Variants in XRCC4 observed in about 807,000 individuals in gnomAD.
The protein encoded by XRCC4 is DNA repair protein XRCC4.
Under a neutral mutation model 39.1 loss-of-function variants are expected in XRCC4, and 28 were observed. The ratio of observed to expected loss-of-function variants is 0.72; its 90% CI spans 0.53 to 0.98. The LOEUF (loss-of-function observed/expected upper bound fraction) is 0.98, where lower values mean the gene tolerates loss of function less well. Ranked by LOEUF, XRCC4 falls within the 50% of genes least tolerant of loss-of-function variation. The probability of loss-of-function intolerance (pLI) is 0.00; values close to 1 mark genes in which losing one functional copy is unlikely to be tolerated. For missense variants in XRCC4, 350 were observed against 376.4 expected (o/e 0.93, Z 0.58); for synonymous variants, 123 against 126.4 (o/e 0.97, Z 0.18).
chr5:83,236,666 G>T (rs1752702232), intron 6 of XRCC4, among the ~76,000 whole-genome samples: 1 of 151,956 alleles, frequency 6.6e-6, no homozygotes, highest in Non-Finnish European at 1.5e-5. Context: ...AAGATTATTT[G>T]CATAAGACCT....
intron 3 of XRCC4, among the ~76,000 whole-genome samples, chr5:83,181,434 C>T (rs1750202158): frequency 6.6e-6 from 1 of 151,662 alleles, no homozygotes; most frequent in East Asian, 1.9e-4. Flanking sequence ...ATGTATTAGT[C>T]TTCTCTCGGT....
chr5:83,178,835 C>T (rs895288576), intron 3 of XRCC4, among the ~76,000 whole-genome samples: 42 of 152,152 alleles, frequency 2.8e-4, no homozygotes, highest in African/African-American at 9.7e-4. Flanking sequence ...CATGTCATTT[C>T]CTACTTGCCT....
chr5:83,100,306 A>G (rs1267370075), intron 1 of XRCC4, among the ~76,000 whole-genome samples: 1 of 152,158 alleles, frequency 6.6e-6, no homozygotes, highest in South Asian at 2.1e-4. Flanking sequence ...ATTGGAAAAT[A>G]TTTGAAACAT....
At chr5:83,113,861 C>T (rs554265045) in intron 3 of XRCC4, among the ~76,000 whole-genome samples, 9 of 152,274 alleles carry the variant, frequency 5.9e-5, no homozygotes, top group East Asian at 5.8e-4. Context: ...CTCCTGACCT[C>T]GTGATCCGCC....
intron 7 of XRCC4, among the ~76,000 whole-genome samples, chr5:83,278,692 T>C (rs1754422244): frequency 6.6e-6 from 1 of 152,012 alleles, no homozygotes; most frequent in Non-Finnish European, 1.5e-5. Context: ...TTTTTAAAAA[T>C]AATCAGTTTG....
chr5:83,285,802 C>G (rs1754714514), intron 7 of XRCC4, among the ~76,000 whole-genome samples: 1 of 152,058 alleles, frequency 6.6e-6, no homozygotes, highest in African/African-American at 2.4e-5. Flanking sequence ...GTTCTGATCC[C>G]ATTGGTAACT....
In XRCC4 at chr5:83,258,539, G is replaced by A. The variant is rs1753633927; in HGVS notation, c.755G>A (p.Ser252Asn). The change falls in exon 7 of 8, where the codon AGT becomes AAT. Residue 252 changes from serine (S) to asparagine (N), a missense_variant. Physicochemically the swap from Ser to Asn is conservative, Grantham distance 46. Coordinates refer to ENST00000396027, the MANE Select transcript of XRCC4 (RefSeq NM_003401.5). Reference sequence around the variant, plus strand: ...TCTCATTTTATTTCAGCTGCTGTAAGTAAAGATGATTCCATTATTTCAAGT... The same window carrying A: ...TCTCATTTTATTTCAGCTGCTGTAAATAAAGATGATTCCATTATTTCAAGT... ...DLSGLASAAV[S>N]KDDSIISSLD... 3 of 1,606,490 alleles carry A rather than the reference G, an allele frequency of 1.9e-6. No homozygotes were observed. The highest frequency in any genetic ancestry group is 2.7e-5 in the African/African-American group (2 of 74,470).
At chr5:83,260,915 A>T (rs1262801509) in intron 7 of XRCC4, among the ~76,000 whole-genome samples, 1 of 152,096 alleles carries the variant, frequency 6.6e-6, no homozygotes, top group Non-Finnish European at 1.5e-5. Context: ...CACCTGTTAG[A>T]TGTCAGTGAG....
At chr5:83,351,222 G>A (rs1757073577) in intron 7 of XRCC4, among the ~76,000 whole-genome samples, 2 of 152,200 alleles carry the variant, frequency 1.3e-5, no homozygotes, top group South Asian at 2.1e-4. Flanking sequence ...CATGTTTCCT[G>A]TACAGCCTGT....
At chr5:83,247,117 A>G (rs1308434488) in intron 6 of XRCC4, among the ~76,000 whole-genome samples, 1 of 152,242 alleles carries the variant, frequency 6.6e-6, no homozygotes, top group African/African-American at 2.4e-5. Flanking sequence ...TAGTTCCACA[A>G]ACAGTGGTTT....
intron 7 of XRCC4, among the ~76,000 whole-genome samples, chr5:83,302,732 A>G (rs1755334064): frequency 1.3e-5 from 2 of 152,242 alleles, no homozygotes; most frequent in African/African-American, 4.8e-5. Flanking sequence ...ATGAGGAGGA[A>G]TAACATCAAT....
intron 3 of XRCC4, among the ~76,000 whole-genome samples, chr5:83,156,720 G>A (rs970833224): frequency 6.6e-6 from 1 of 152,056 alleles, no homozygotes. Context: ...AATTTGCAAA[G>A]CCAAGAATAG....
intron 7 of XRCC4, among the ~76,000 whole-genome samples, chr5:83,296,965 A>C (rs1157800589): frequency 6.6e-6 from 1 of 152,018 alleles, no homozygotes; most frequent in Non-Finnish European, 1.5e-5. Flanking sequence ...GACAATTGCC[A>C]ACAGACTTGC....
At chr5:83,223,979 A>G (rs554423695) in intron 6 of XRCC4, among the ~76,000 whole-genome samples, 2 of 151,774 alleles carry the variant, frequency 1.3e-5, no homozygotes, top group South Asian at 4.2e-4. Flanking sequence ...ATAGTATTCT[A>G]TGGTGTATAT....
chr5:83,356,188 A>T (rs770625149), downstream of XRCC4, among the ~76,000 whole-genome samples: 3 of 152,150 alleles, frequency 2.0e-5, no homozygotes, highest in Non-Finnish European at 4.4e-5. Context: ...ACTTAGCACT[A>T]TCCTAGATTT....
intron 6 of XRCC4, among the ~76,000 whole-genome samples, chr5:83,216,091 T>C (rs1172972979): frequency 6.6e-6 from 1 of 152,156 alleles, no homozygotes; most frequent in Non-Finnish European, 1.5e-5. Flanking sequence ...TTCTAGCATA[T>C]ATAAAGAATA....
intron 3 of XRCC4, among the ~76,000 whole-genome samples, chr5:83,169,620 A>G (rs1034151539): frequency 1.3e-5 from 2 of 152,222 alleles, no homozygotes; most frequent in Admixed American, 1.3e-4. Flanking sequence ...AAGCTAGAAC[A>G]GCTCGAGTCT....
chr5:83,368,334 A>T, the XRCC4 span, among the ~76,000 whole-genome samples: 7 of 152,134 alleles, frequency 4.6e-5, no homozygotes, highest in African/African-American at 1.7e-4. Context: ...TGAAATGGCA[A>T]TGAGCACAGG....
intron 7 of XRCC4, among the ~76,000 whole-genome samples, chr5:83,308,611 C>T (rs1370984895): frequency 1.3e-5 from 2 of 152,080 alleles, no homozygotes; most frequent in Non-Finnish European, 2.9e-5. Flanking sequence ...ATTCTAAGAA[C>T]ATGTAGGTAC....
Sources: gnomAD v4.1 joint callset for allele counts (sites outside exome capture counted in the v4.1 genomes callset) on GRCh38, gnomAD v4.1.1 for gene constraint, MANE v1.5 for transcripts, NCBI Gene and HGNC (gene_info 2026-07-23, HGNC 2026-07-21) for gene names.